Variants in FRMD5 observed in about 807,000 individuals in gnomAD.
FRMD5 encodes the protein FERM domain-containing protein 5.
FRMD5 carries 20 observed loss-of-function variants against 69.0 expected under a neutral mutation model. The observed-to-expected ratio is 0.29, with a 90% CI of 0.20 to 0.42. FRMD5 has a LOEUF of 0.42. FRMD5 is among the 10% of genes least tolerant of loss of function. FRMD5 has a pLI of 1.00. For synonymous variants in FRMD5, 271 were observed against 260.1 expected, an observed-to-expected ratio of 1.04 and a Z score of -0.40; for missense variants, 595 against 708.6, an observed-to-expected ratio of 0.84 and a Z score of 1.82.
intron 1 of FRMD5, among the ~76,000 whole-genome samples, chr15:44,026,387 C>G (rs749512616): frequency 1.3e-5 from 2 of 152,208 alleles, no homozygotes; most frequent in Non-Finnish European, 2.9e-5. Flanking sequence ...TTTAAAATAG[C>G]ATTTGACTGT....
At chr15:43,981,142 A>T (rs551318877) in intron 1 of FRMD5, among the ~76,000 whole-genome samples, 1 of 152,186 alleles carries the variant, frequency 6.6e-6, no homozygotes, top group East Asian at 1.9e-4. Flanking sequence ...CAGCCTCCCA[A>T]GTAGCTGGGG....
chr15:44,112,470 T>C (rs909750822), intron 1 of FRMD5, among the ~76,000 whole-genome samples: 4 of 124,164 alleles, frequency 3.2e-5, no homozygotes, highest in Admixed American at 3.0e-4. Context: ...CCTTCACTGA[T>C]TTTTTTTTTT....
At chr15:43,939,551 T>C (rs979209489) in intron 1 of FRMD5, among the ~76,000 whole-genome samples, 2 of 151,232 alleles carry the variant, frequency 1.3e-5, no homozygotes, top group Non-Finnish European at 2.9e-5. Context: ...TATTAATTAA[T>C]GTATATATTT....
chr15:43,894,609 C>A (rs528251082), intron 7 of FRMD5, among the ~76,000 whole-genome samples: 125 of 151,794 alleles, frequency 8.2e-4, no homozygotes, highest in African/African-American at 3.0e-3. Flanking sequence ...AAGCCTTGGG[C>A]CTGCAGGAGG....
At chr15:43,964,264 C>G (rs1026059560) in intron 1 of FRMD5, among the ~76,000 whole-genome samples, 11 of 151,854 alleles carry the variant, frequency 7.2e-5, no homozygotes, top group African/African-American at 2.4e-4. Context: ...TATAATAATT[C>G]AGTGATGCCT....
At chr15:44,087,950 T>C (rs1894273771) in intron 1 of FRMD5, among the ~76,000 whole-genome samples, 1 of 152,188 alleles carries the variant, frequency 6.6e-6, no homozygotes. Flanking sequence ...AATTCCTGTA[T>C]GGTGAGTCAC....
chr15:44,155,615 A>G (rs2077514741), intron 1 of FRMD5, among the ~76,000 whole-genome samples: 1 of 151,802 alleles, frequency 6.6e-6, no homozygotes, highest in African/African-American at 2.4e-5. Flanking sequence ...TTTTTGCGAG[A>G]CAAAGTCTCG....
chr15:44,100,821 C>T (rs2076627459), intron 1 of FRMD5, among the ~76,000 whole-genome samples: 1 of 152,066 alleles, frequency 6.6e-6, no homozygotes, highest in African/African-American at 2.4e-5. Context: ...GACTAAATGG[C>T]CTAAACAAGG....
At chr15:44,037,084 C>T (rs1891950431) in intron 1 of FRMD5, among the ~76,000 whole-genome samples, 1 of 151,964 alleles carries the variant, frequency 6.6e-6, no homozygotes, top group Non-Finnish European at 1.5e-5. Flanking sequence ...TTTGCTCTAC[C>T]CATCAGCCTG....
chr15:44,067,229 C>A (rs1392891531), intron 1 of FRMD5, among the ~76,000 whole-genome samples: 2 of 152,102 alleles, frequency 1.3e-5, no homozygotes, highest in Non-Finnish European at 2.9e-5. Flanking sequence ...GCATGGAGAA[C>A]TGGGGAGAGA....
At chr15:43,880,883 A>C in intron 13 of FRMD5, among the ~76,000 whole-genome samples, 1 of 152,198 alleles carries the variant, frequency 6.6e-6, no homozygotes, top group East Asian at 1.9e-4. Flanking sequence ...TGGACAAGGA[A>C]CCTGCTGCTG....
chr15:44,074,486 C>G (rs977621234), intron 1 of FRMD5, among the ~76,000 whole-genome samples: 1 of 151,640 alleles, frequency 6.6e-6, no homozygotes, highest in Non-Finnish European at 1.5e-5. Flanking sequence ...AAATGGAAAT[C>G]ACAGAGCTGA....
At chr15:43,985,205 T>G (rs751273124) in intron 1 of FRMD5, among the ~76,000 whole-genome samples, 6 of 130,308 alleles carry the variant, frequency 4.6e-5, no homozygotes, top group Non-Finnish European at 6.2e-5. Context: ...GGCGTGAACC[T>G]GGGAGGCGGA....
At chr15:43,976,619 C>A (rs151107267) in intron 1 of FRMD5, among the ~76,000 whole-genome samples, 7 of 152,314 alleles carry the variant, frequency 4.6e-5, no homozygotes, top group African/African-American at 1.7e-4. Context: ...AGTCAGGAAT[C>A]TGGCTGAGAC....
intron 1 of FRMD5, among the ~76,000 whole-genome samples, chr15:44,023,206 C>G (rs1891287864): frequency 6.6e-6 from 1 of 152,152 alleles, no homozygotes; most frequent in Non-Finnish European, 1.5e-5. Flanking sequence ...TAGTTACCAT[C>G]TAGATGATAC....
chr15:43,886,727 C>T (rs1160198366), intron 10 of FRMD5, among the ~76,000 whole-genome samples: 1 of 152,238 alleles, frequency 6.6e-6, no homozygotes, highest in Non-Finnish European at 1.5e-5. Flanking sequence ...GAGCTGCTTA[C>T]TGGAGCCTGG....
chr15:44,129,810 A>C (rs1410951790), intron 1 of FRMD5, among the ~76,000 whole-genome samples: 1 of 152,148 alleles, frequency 6.6e-6, no homozygotes, highest in Non-Finnish European at 1.5e-5. Flanking sequence ...CCAACAGAAA[A>C]GTCATTCTAG....
At chr15:44,030,834 G>A (rs954610755) in intron 1 of FRMD5, among the ~76,000 whole-genome samples, 1 of 152,200 alleles carries the variant, frequency 6.6e-6, no homozygotes, top group Non-Finnish European at 1.5e-5. Context: ...AGTGCTGGAT[G>A]AGAGAAACTT....
intron 1 of FRMD5, among the ~76,000 whole-genome samples, chr15:44,117,586 G>A (rs1450655652): frequency 2.6e-5 from 4 of 152,202 alleles, no homozygotes; most frequent in Non-Finnish European, 1.5e-5. Context: ...TTACAACTTA[G>A]ATGTTATTTA....
Sources: allele counts gnomAD v4.1 joint callset (sites outside exome capture counted in the v4.1 genomes callset), GRCh38; gene constraint gnomAD v4.1.1; transcripts MANE v1.5; gene names NCBI Gene and HGNC (gene_info 2026-07-23, HGNC 2026-07-21).